KCNMA1: variants seen among roughly 807,000 people sequenced by gnomAD.
KCNMA1 encodes Calcium-activated potassium channel subunit alpha-1.
KCNMA1 carries 29 observed loss-of-function variants against 140.0 expected under a neutral mutation model. That is an observed-to-expected ratio of 0.21 (90% CI 0.15 to 0.28). The LOEUF (loss-of-function observed/expected upper bound fraction) is 0.28. KCNMA1 is among the 10% of genes least tolerant of loss of function. The pLI is 1.00. For missense variants in KCNMA1, 880 were observed against 1,602.2 expected (o/e 0.55, Z 7.70); for synonymous variants, 612 against 611.9 (o/e 1.00, Z 0.00).
intron 1 of KCNMA1, among the ~76,000 whole-genome samples, chr10:77,548,901 C>T (rs2062053761): frequency 1.3e-5 from 2 of 152,306 alleles, no homozygotes; most frequent in Admixed American, 1.3e-4. Context: ...AATTCCCTGC[C>T]TTGTGGAGCT....
At chr10:77,142,972 C>T (rs998395120) in intron 5 of KCNMA1, among the ~76,000 whole-genome samples, 1 of 152,096 alleles carries the variant, frequency 6.6e-6, no homozygotes, top group Admixed American at 6.5e-5. Context: ...AGGCAGTTTC[C>T]ACTGCAGAAT....
intron 3 of KCNMA1, among the ~76,000 whole-genome samples, chr10:77,193,184 T>C (rs2039199574): frequency 6.6e-6 from 1 of 152,158 alleles, no homozygotes; most frequent in African/African-American, 2.4e-5. Flanking sequence ...GCACGTACTT[T>C]TTCACTGTTA....
At chr10:76,904,344 A>C (rs7089425) in intron 25 of KCNMA1, 15,255 of 152,230 alleles carry the variant, frequency 0.1, 2,440 homozygotes, top group African/African-American at 0.34. Context: ...TGGGCAGAGC[A>C]AAGACACACC....
chr10:77,549,705 C>T (rs1042864348), intron 1 of KCNMA1, among the ~76,000 whole-genome samples: 5 of 152,216 alleles, frequency 3.3e-5, no homozygotes, highest in African/African-American at 1.2e-4. Context: ...TCAGTAACGT[C>T]CTGTCTAAAC....
chr10:77,049,316 T>G (rs2095264391), intron 14 of KCNMA1, among the ~76,000 whole-genome samples: 1 of 152,216 alleles, frequency 6.6e-6, no homozygotes, highest in Non-Finnish European at 1.5e-5. Context: ...GTGCTGTCCC[T>G]GCCTTAATGG....
At chr10:77,409,140 C>T (rs944510993) in intron 1 of KCNMA1, among the ~76,000 whole-genome samples, 3 of 152,162 alleles carry the variant, frequency 2.0e-5, no homozygotes, top group African/African-American at 4.8e-5. Context: ...TTGACATGGC[C>T]GCAGAGGGGC....
rs936788419 is a variant in KCNMA1 at position 77,012,354 on chromosome 10, G to C, written c.2016-311C>G. ...TCTTTCATTTTTGAGAACAGCCTTTGATGCTACTCGTGGGGACATGTGGGC... is the reference window on the plus strand; with the variant it reads ...TCTTTCATTTTTGAGAACAGCCTTTCATGCTACTCGTGGGGACATGTGGGC... On this transcript the variant is annotated intron_variant, in intron 17 of 27. Coordinates refer to ENST00000286628, the MANE Select transcript of KCNMA1 (RefSeq NM_001161352.2). 5.5e-5 allele frequency: 82 copies of C among 1,482,874 alleles called. 1 individual carries two copies. Among genetic ancestry groups the C allele is most frequent in the Non-Finnish European group, 7.3e-5 (82 of 1,117,818 alleles). 91.9% of individuals were successfully genotyped at this position (1,482,874 alleles called of 1,614,324 possible).
intron 15 of KCNMA1, among the ~76,000 whole-genome samples, chr10:77,030,028 A>G (rs1565646784): frequency 6.6e-6 from 1 of 152,242 alleles, no homozygotes; most frequent in African/African-American, 2.4e-5. Flanking sequence ...GCTTTCAAGG[A>G]AAGTGCTGCT....
At chr10:77,146,725 AAAAAAGAAAGAAAGAAG>A (rs2098305154) in intron 5 of KCNMA1, among the ~76,000 whole-genome samples, 1 of 142,880 alleles carries the variant, frequency 7.0e-6, no homozygotes, top group African/African-American at 2.6e-5. Flanking sequence ...AAAAAAAAAA[AAAAAAGAAAGAAAGAAG>A]GAAAGAAAAA....
chr10:77,385,128 A>G (rs287176), intron 2 of KCNMA1, among the ~76,000 whole-genome samples: 162 of 152,320 alleles, frequency 1.1e-3, no homozygotes, highest in South Asian at 2.9e-3. Flanking sequence ...TTGATCAACA[A>G]TTACCCAACA....
chr10:77,117,539 C>CAAAAAAAAAAAAAAAAA (rs56926398), intron 6 of KCNMA1, among the ~76,000 whole-genome samples: 34 of 22,496 alleles, frequency 1.5e-3, no homozygotes, highest in Non-Finnish European at 2.2e-3. Flanking sequence ...GAGTCTATCT[C>CAAAAAAAAAAAAAAAAA]AAAAAAAAAA....
intron 2 of KCNMA1, among the ~76,000 whole-genome samples, chr10:77,369,886 C>T (rs750669906): frequency 1.2e-4 from 19 of 152,192 alleles, no homozygotes; most frequent in Non-Finnish European, 2.4e-4. Context: ...GCTTTCATAT[C>T]CATCTCACAT....
intron 5 of KCNMA1, among the ~76,000 whole-genome samples, chr10:77,171,388 T>TGTGC (rs752847826): frequency 3.4e-5 from 4 of 116,086 alleles, no homozygotes; most frequent in Non-Finnish European, 5.2e-5. Flanking sequence ...TACGTGTGCG[T>TGTGC]GTGTGTGTGT....
intron 14 of KCNMA1, among the ~76,000 whole-genome samples, chr10:77,055,392 A>C (rs1274057901): frequency 6.6e-6 from 1 of 152,222 alleles, no homozygotes; most frequent in East Asian, 1.9e-4. Context: ...GAAGCCTCAT[A>C]GTAGAACTAA....
chr10:77,611,637 T>C (rs1174933100), intron 1 of KCNMA1, among the ~76,000 whole-genome samples: 2 of 74,226 alleles, frequency 2.7e-5, no homozygotes, highest in Non-Finnish European at 5.9e-5. Context: ...CTTATTATCA[T>C]TTTTTTTTCC....
chr10:77,580,168 T>C (rs1416499661), intron 1 of KCNMA1, among the ~76,000 whole-genome samples: 1 of 152,046 alleles, frequency 6.6e-6, no homozygotes, highest in Non-Finnish European at 1.5e-5. Flanking sequence ...GATCACGAGG[T>C]CTGGAGATCG....
chr10:77,311,144 A>C (rs10824521), intron 2 of KCNMA1, among the ~76,000 whole-genome samples: 30,963 of 152,050 alleles, frequency 0.2, 3,502 homozygotes, highest in East Asian at 0.33. Flanking sequence ...GCAGAGGAGA[A>C]ATTGGTTTAA....
chr10:77,167,723 T>G (rs1005787541), intron 5 of KCNMA1, among the ~76,000 whole-genome samples: 1 of 151,794 alleles, frequency 6.6e-6, no homozygotes, highest in Non-Finnish European at 1.5e-5. Context: ...AGGGGCTGAC[T>G]CTGTCCCCAG....
At chr10:77,030,788 C>A (rs905848423) in intron 15 of KCNMA1, among the ~76,000 whole-genome samples, 5 of 152,172 alleles carry the variant, frequency 3.3e-5, no homozygotes, top group African/African-American at 7.2e-5. Context: ...AGATCTGAGT[C>A]CTCTTCCAGT....
Sources: gnomAD v4.1 joint callset for allele counts (sites outside exome capture counted in the v4.1 genomes callset) on GRCh38, gnomAD v4.1.1 for gene constraint, MANE v1.5 for transcripts, NCBI Gene and HGNC (gene_info 2026-07-23, HGNC 2026-07-21) for gene names.